The following SHISA6 variants were observed in gnomAD, a reference collection of about 807,000 sequenced individuals.
SHISA6 encodes protein shisa-6.
A neutral mutation model predicts 47.9 loss-of-function variants in SHISA6; 22 were observed. The observed-to-expected ratio is 0.46, with a 90% CI of 0.33 to 0.66. The LOEUF is 0.66. SHISA6 is among the 30% of genes least tolerant of loss of function. The probability of loss-of-function intolerance (pLI) is 0.02; values close to 1 mark genes in which losing one functional copy is unlikely to be tolerated. For missense variants in SHISA6, 680 were observed against 764.6 expected (o/e 0.89, Z 1.30); for synonymous variants, 388 against 337.8 (o/e 1.15, Z -1.63).
chr17:11,451,724 G>A (rs970006041), intron 3 of SHISA6, among the ~76,000 whole-genome samples: 5 of 152,178 alleles, frequency 3.3e-5, no homozygotes, highest in African/African-American at 1.2e-4. Context: ...CCAGTGTGTG[G>A]AAATTGCACA....
rs71142217 is a variant in SHISA6, at chr17:11,532,739, C to CTTTTTTTTT, written c.896-19140_896-19132dup. Reference sequence around the variant, plus strand: ...CATGCCTTTCCCCATTCTATCAGGGCTTTTTTTTTTTTTTTTTTTTTTTTT... The same window carrying CTTTTTTTTT: ...CATGCCTTTCCCCATTCTATCAGGGCTTTTTTTTTTTTTTTTTTTTTTTTTTTTTTTTTT... On this transcript the variant is annotated intron_variant, in intron 3 of 5. Coordinates refer to ENST00000441885, the MANE Select transcript of SHISA6 (RefSeq NM_207386.4). Among the ~76,000 whole-genome samples, 510 of 71,218 alleles carry CTTTTTTTTT rather than the reference C, an allele frequency of 7.2e-3. 3 individuals carry two copies. Among genetic ancestry groups the CTTTTTTTTT allele is most frequent in the Middle Eastern group, 0.019 (1 of 54 alleles). The allele number at this position is 71,218 out of a possible 152,430, so 46.7% of individuals were successfully genotyped here. A position where few individuals can be genotyped will look rare whatever the true frequency, so the allele number is the denominator to read the frequency against.
chr17:11,308,531 A>G (rs1275914198), intron 2 of SHISA6, among the ~76,000 whole-genome samples: 3 of 152,168 alleles, frequency 2.0e-5, no homozygotes, highest in Non-Finnish European at 2.9e-5. Flanking sequence ...TACAATTTCC[A>G]GAGTGCTTTA....
intron 3 of SHISA6, among the ~76,000 whole-genome samples, chr17:11,497,006 A>T (rs912586947): frequency 6.6e-5 from 10 of 152,240 alleles, no homozygotes; most frequent in African/African-American, 2.4e-4. Flanking sequence ...TTTGCAGACC[A>T]GATTCAGTTT....
chr17:11,446,684 C>T (rs1915247405), intron 3 of SHISA6, among the ~76,000 whole-genome samples: 1 of 152,168 alleles, frequency 6.6e-6, no homozygotes, highest in Admixed American at 6.5e-5. Flanking sequence ...ACCATTCATC[C>T]TTCTTTTTCT....
chr17:11,489,762 A>G (rs1044757985), intron 3 of SHISA6, among the ~76,000 whole-genome samples: 2 of 152,186 alleles, frequency 1.3e-5, no homozygotes, highest in Non-Finnish European at 2.9e-5. Flanking sequence ...ATGTATGAAG[A>G]TGTTTTTGAT....
At chr17:11,257,366 A>G (rs1477646732) in intron 1 of SHISA6, among the ~76,000 whole-genome samples, 1 of 152,200 alleles carries the variant, frequency 6.6e-6, no homozygotes, top group Admixed American at 6.5e-5. Flanking sequence ...GTCATTATCA[A>G]GTAAAAGCAC....
chr17:11,532,739 C>CTTTTTTTTTTTT (rs71142217), intron 3 of SHISA6, among the ~76,000 whole-genome samples: 67 of 71,306 alleles, frequency 9.4e-4, no homozygotes, highest in Non-Finnish European at 1.1e-3. Flanking sequence ...TCTATCAGGG[C>CTTTTTTTTTTTT]TTTTTTTTTT....
chr17:11,394,997 T>A (rs1454174370), intron 3 of SHISA6, among the ~76,000 whole-genome samples: 4 of 146,998 alleles, frequency 2.7e-5, no homozygotes, highest in African/African-American at 7.5e-5. Context: ...TTTTTTCTTT[T>A]CTTTTTTTTT....
At chr17:11,521,054 T>C (rs577444473) in intron 3 of SHISA6, among the ~76,000 whole-genome samples, 2 of 152,340 alleles carry the variant, frequency 1.3e-5, no homozygotes, top group Non-Finnish European at 2.9e-5. Context: ...ATTGTCATCA[T>C]GGAACATGGT....
At chr17:11,371,035 GAC>G (rs1912616643) in intron 2 of SHISA6, among the ~76,000 whole-genome samples, 1 of 152,176 alleles carries the variant, frequency 6.6e-6, no homozygotes, top group Admixed American at 6.5e-5. Flanking sequence ...GACTCTGGAG[GAC>G]ACAGTCTTCA....
intron 3 of SHISA6, among the ~76,000 whole-genome samples, chr17:11,550,347 G>A (rs748054247): frequency 3.3e-5 from 5 of 152,092 alleles, no homozygotes; most frequent in Admixed American, 6.6e-5. Flanking sequence ...GAGCCACTGC[G>A]CCCGGCCCTG....
rs1218975873 is a variant in SHISA6 at position 11,490,191 on chromosome 17, T to TAG, written c.896-61699_896-61698dup. On this transcript the variant is annotated intron_variant, in intron 3 of 5. Coordinates refer to ENST00000441885, the MANE Select transcript of SHISA6 (RefSeq NM_207386.4). Reference sequence around the variant, plus strand: ...TTGGCCTGCGCTCATAGTTCCTGGGTAGAGAGACCTTGTAGATGCATAGCG... The same window carrying TAG: ...TTGGCCTGCGCTCATAGTTCCTGGGTAGAGAGAGACCTTGTAGATGCATAGCG... Among the ~76,000 whole-genome samples the TAG allele has an allele frequency of 3.3e-5, 5 of 152,100 alleles. No individual in the cohort carries two copies. The East Asian group carries it at 7.8e-4, about 24-fold the overall frequency.
intron 2 of SHISA6, among the ~76,000 whole-genome samples, chr17:11,364,421 C>A (rs970843937): frequency 6.6e-6 from 1 of 152,186 alleles, no homozygotes; most frequent in African/African-American, 2.4e-5. Context: ...ATGTGACATG[C>A]ATTTTTTTGT....
chr17:11,549,199 C>G (rs974233757), intron 3 of SHISA6, among the ~76,000 whole-genome samples: 1 of 152,114 alleles, frequency 6.6e-6, no homozygotes, highest in African/African-American at 2.4e-5. Context: ...TATGTAAGCA[C>G]TCATATAATC....
intron 3 of SHISA6, among the ~76,000 whole-genome samples, chr17:11,449,753 C>A (rs1028581466): frequency 6.6e-6 from 1 of 152,188 alleles, no homozygotes; most frequent in African/African-American, 2.4e-5. Flanking sequence ...CTGAGGGCTC[C>A]AAGGGAAAAT....
intron 3 of SHISA6, among the ~76,000 whole-genome samples, chr17:11,550,104 G>A (rs996388782): frequency 6.6e-6 from 1 of 151,934 alleles, no homozygotes; most frequent in Non-Finnish European, 1.5e-5. Flanking sequence ...CCCCAGGCTG[G>A]AGTGCAGTGG....
intron 1 of SHISA6, among the ~76,000 whole-genome samples, chr17:11,255,379 G>A (rs1460883231): frequency 1.3e-5 from 2 of 152,166 alleles, no homozygotes; most frequent in East Asian, 3.9e-4. Context: ...AAAAGAGAGG[G>A]AGGGAGAAAG....
intron 3 of SHISA6, among the ~76,000 whole-genome samples, chr17:11,482,376 C>T (rs979639119): frequency 1.3e-5 from 2 of 152,154 alleles, no homozygotes; most frequent in African/African-American, 4.8e-5. Context: ...TTCCAGAAGA[C>T]GGCAGCTACA....
chr17:11,411,829 G>A (rs777329561), intron 3 of SHISA6, among the ~76,000 whole-genome samples: 3 of 152,156 alleles, frequency 2.0e-5, no homozygotes, highest in Admixed American at 6.5e-5. Flanking sequence ...TAAGATTTTC[G>A]TCTGGGTAGC....
Sources: allele counts gnomAD v4.1 joint callset (sites outside exome capture counted in the v4.1 genomes callset), GRCh38; gene constraint gnomAD v4.1.1; transcripts MANE v1.5; gene names NCBI Gene and HGNC (gene_info 2026-07-23, HGNC 2026-07-21).